NRP1: variants seen among roughly 807,000 people sequenced by gnomAD.
The protein encoded by NRP1 is neuropilin-1.
A neutral mutation model predicts 106.7 loss-of-function variants in NRP1; 35 were observed. That is an observed-to-expected ratio of 0.33 (90% CI 0.25 to 0.43). The LOEUF (loss-of-function observed/expected upper bound fraction) is 0.43. NRP1 is among the 20% of genes least tolerant of loss of function. The pLI is 1.00. For synonymous variants in NRP1, 437 were observed against 417.9 expected (o/e 1.05, Z -0.56); for missense variants, 1,024 against 1,170.4 (o/e 0.87, Z 1.83).
chr10:33,192,339 G>C lies in NRP1; in HGVS notation c.2004C>G (p.His668Gln), dbSNP rs200822773. The change falls in exon 13 of 17, where the codon CAC becomes CAG. Residue 668 changes from histidine to glutamine, a missense_variant. By Grantham distance (24) the His-to-Gln change is conservative (BLOSUM62 0). Coordinates refer to ENST00000374867, the MANE Select transcript of NRP1 (RefSeq NM_003873.7). ...TCAACACACTCCACTTGAGCTGCAC[G>C]TGATTGTCATGTTCCCAGTGGCAGA... ...KTFCHWEHDNHVQLKWSVLTS... is the reference protein window; with the variant it reads ...KTFCHWEHDNQVQLKWSVLTS... 1.9e-6 allele frequency: 3 copies of C among 1,613,868 alleles called. No individual in the cohort carries two copies. Among genetic ancestry groups the C allele is most frequent in the Non-Finnish European group, 2.5e-6 (3 of 1,179,862 alleles).
intron 2 of NRP1, among the ~76,000 whole-genome samples, chr10:33,276,569 A>G (rs528507781): frequency 3.9e-5 from 6 of 152,234 alleles, no homozygotes; most frequent in Non-Finnish European, 8.8e-5. Context: ...AGAGCACAGC[A>G]TAAGAGACCC....
intron 2 of NRP1, among the ~76,000 whole-genome samples, chr10:33,308,306 T>C (rs941197601): frequency 6.6e-6 from 1 of 151,492 alleles, no homozygotes; most frequent in Non-Finnish European, 1.5e-5. Context: ...CACTAAACCC[T>C]TGTGACATGC....
At chr10:33,287,272 C>A (rs1844636326) in intron 2 of NRP1, among the ~76,000 whole-genome samples, 1 of 152,112 alleles carries the variant, frequency 6.6e-6, no homozygotes, top group African/African-American at 2.4e-5. Flanking sequence ...TAATGTGTGA[C>A]AGGCACGTTA....
intron 2 of NRP1, among the ~76,000 whole-genome samples, chr10:33,325,323 T>C (rs528197974): frequency 1.3e-5 from 2 of 152,338 alleles, no homozygotes; most frequent in South Asian, 4.1e-4. Flanking sequence ...GGTACTTCCC[T>C]TGGATACAAA....
At chr10:33,203,062 G>A in intron 10 of NRP1, 67 bp from the exon 11 acceptor site, 1 of 1,511,404 alleles carries the variant, frequency 6.6e-7, no homozygotes, top group Admixed American at 1.9e-5. Flanking sequence ...CTGGCTGTTG[G>A]ATCTGCTAAC....
At chr10:33,287,880 A>G (rs2132604741) in intron 2 of NRP1, among the ~76,000 whole-genome samples, 1 of 152,232 alleles carries the variant, frequency 6.6e-6, no homozygotes, top group Non-Finnish European at 1.5e-5. Context: ...TCATTTGAGG[A>G]CATTTCCATA....
intron 7 of NRP1, among the ~76,000 whole-genome samples, chr10:33,222,872 C>T (rs962105414): frequency 1.3e-5 from 2 of 152,140 alleles, no homozygotes; most frequent in Admixed American, 6.5e-5. Flanking sequence ...TAATGCATGC[C>T]AGGCATGAAT....
intron 2 of NRP1, among the ~76,000 whole-genome samples, chr10:33,283,535 C>T (rs553572361): frequency 1.8e-4 from 27 of 152,152 alleles, no homozygotes; most frequent in South Asian, 4.1e-4. Context: ...CAGATATCAA[C>T]TAGAGCTTTT....
At chr10:33,244,079 C>G (rs1036554482) in intron 6 of NRP1, among the ~76,000 whole-genome samples, 4 of 151,920 alleles carry the variant, frequency 2.6e-5, no homozygotes, top group Non-Finnish European at 5.9e-5. Context: ...AAAATGAGAA[C>G]TATACAAGGG....
At chr10:33,331,981 A>G (rs776737872) in intron 1 of NRP1, among the ~76,000 whole-genome samples, 1 of 152,246 alleles carries the variant, frequency 6.6e-6, no homozygotes, top group Non-Finnish European at 1.5e-5. Flanking sequence ...TGCATCTAAT[A>G]GATTCCCTGT....
intron 13 of NRP1, among the ~76,000 whole-genome samples, chr10:33,188,471 A>G (rs1471917650): frequency 6.6e-6 from 1 of 152,136 alleles, no homozygotes; most frequent in African/African-American, 2.4e-5. Context: ...GCCATGTAAC[A>G]GGGCTTCTCA....
At chr10:33,261,534 G>A (rs542040948) in intron 4 of NRP1, among the ~76,000 whole-genome samples, 1 of 152,276 alleles carries the variant, frequency 6.6e-6, no homozygotes, top group African/African-American at 2.4e-5. Flanking sequence ...GTTTTGATAA[G>A]ATTATCATAA....
In NRP1 at chr10:33,256,278, A is replaced by G. The variant is rs759371204; in HGVS notation, c.814+38T>C. The G allele has an allele frequency of 4.4e-6, 7 of 1,605,040 alleles. No individual in the cohort carries two copies. The Admixed American group carries it at 1.0e-4, about 23-fold the overall frequency. Reference sequence around the variant, plus strand: ...TGTGTGAGCAGGAATAACATTGAGTATTTACCACAGGGCTTTGCAAAATGA... The same window carrying G: ...TGTGTGAGCAGGAATAACATTGAGTGTTTACCACAGGGCTTTGCAAAATGA... On this transcript the variant is annotated intron_variant, in intron 5 of 16. Coordinates refer to ENST00000374867, the MANE Select transcript of NRP1 (RefSeq NM_003873.7).
At chr10:33,265,374 G>A (rs1421169149) in intron 3 of NRP1, among the ~76,000 whole-genome samples, 1 of 152,160 alleles carries the variant, frequency 6.6e-6, no homozygotes, top group Non-Finnish European at 1.5e-5. Context: ...TGGGGCCCCG[G>A]CAATGACATG....
intron 8 of NRP1, among the ~76,000 whole-genome samples, chr10:33,214,786 A>C (rs1838621074): frequency 6.6e-6 from 1 of 152,104 alleles, no homozygotes; most frequent in Non-Finnish European, 1.5e-5. Flanking sequence ...CAGAAAGCAA[A>C]ATGGTGGTTG....
At chr10:33,211,728 T>C (rs1468657849) in intron 9 of NRP1, 9 of 152,232 alleles carry the variant, frequency 5.9e-5, no homozygotes, top group Admixed American at 5.9e-4. Context: ...CTGCAATGCC[T>C]CTGGCTTGAG....
chr10:33,224,629 C>T (rs1222507705), intron 7 of NRP1, among the ~76,000 whole-genome samples: 1 of 151,070 alleles, frequency 6.6e-6, no homozygotes, highest in Non-Finnish European at 1.5e-5. Context: ...TAACTGTGTG[C>T]CAAGGTGGTT....
intron 2 of NRP1, among the ~76,000 whole-genome samples, chr10:33,319,002 C>CTTTTTTTTTT (rs36010472): frequency 5.5e-5 from 5 of 90,762 alleles, no homozygotes; most frequent in Non-Finnish European, 6.9e-5. Flanking sequence ...TCTTTTCTTT[C>CTTTTTTTTTT]TTTTTTTTTT....
chr10:33,299,203 C>A (rs1012484269), intron 2 of NRP1, among the ~76,000 whole-genome samples: 1 of 152,158 alleles, frequency 6.6e-6, no homozygotes, highest in Non-Finnish European at 1.5e-5. Flanking sequence ...ATGAGCCAAA[C>A]CTGCACCCCA....
Sources: gnomAD v4.1 joint callset for allele counts (sites outside exome capture counted in the v4.1 genomes callset) on GRCh38, gnomAD v4.1.1 for gene constraint, MANE v1.5 for transcripts, NCBI Gene and HGNC (gene_info 2026-07-23, HGNC 2026-07-21) for gene names.